The following PDE8A variants were observed in gnomAD, a reference collection of about 807,000 sequenced individuals.
PDE8A encodes the protein phosphodiesterase 8A.
PDE8A carries 59 observed loss-of-function variants against 105.0 expected under a neutral mutation model. The observed-to-expected ratio is 0.56, with a 90% confidence interval of 0.46 to 0.70. The LOEUF is 0.70. PDE8A is among the 30% of genes least tolerant of loss of function. The pLI, the probability that PDE8A is intolerant of heterozygous loss-of-function variation, is 0.00. For missense variants in PDE8A, 1,014 were observed against 1,045.9 expected, an observed-to-expected ratio of 0.97 and a Z score of 0.42; for synonymous variants, 355 against 371.9, an observed-to-expected ratio of 0.95 and a Z score of 0.52.
intron 11 of PDE8A, 24 bp from the exon 12 acceptor site, chr15:85,109,029 G>A (rs371625358): frequency 2.7e-6 from 4 of 1,496,354 alleles, no homozygotes; most frequent in African/African-American, 1.4e-5. Flanking sequence ...CTTTGAAGAG[G>A]TGATTTATCA....
intron 1 of PDE8A, among the ~76,000 whole-genome samples, chr15:85,021,657 C>A (rs1323097797): frequency 6.6e-6 from 1 of 152,198 alleles, no homozygotes; most frequent in Admixed American, 6.5e-5. Flanking sequence ...ACTTTCTGAT[C>A]TCATATCCAA....
At chr15:85,107,410 G>T (rs1205863956) in intron 11 of PDE8A, among the ~76,000 whole-genome samples, 1 of 152,194 alleles carries the variant, frequency 6.6e-6, no homozygotes, top group Admixed American at 6.5e-5. Flanking sequence ...GTTTTACAAC[G>T]ATCGCTTGGC....
At chr15:85,100,224 G>C (rs2081838706) in intron 11 of PDE8A, 26 bp downstream of exon 11, 1 of 1,580,400 alleles carries the variant, frequency 6.3e-7, no homozygotes, top group Non-Finnish European at 8.7e-7. Context: ...TTTATTCTTA[G>C]AGTTCATTGA....
intron 11 of PDE8A, among the ~76,000 whole-genome samples, chr15:85,106,769 A>T (rs1046031089): frequency 6.6e-6 from 1 of 152,228 alleles, no homozygotes; most frequent in Non-Finnish European, 1.5e-5. Context: ...AGGCTGCTGC[A>T]GGCCATCCTT....
chr15:85,118,039 T>C (rs11073952), intron 17 of PDE8A, among the ~76,000 whole-genome samples, 200 bp downstream of exon 17: 70,002 of 152,014 alleles, frequency 0.46, 16,243 homozygotes, highest in Middle Eastern at 0.54. Context: ...TAATCCCAGC[T>C]ATTCCATGAG....
intron 1 of PDE8A, among the ~76,000 whole-genome samples, chr15:85,031,461 C>T (rs2080613746): frequency 6.6e-6 from 1 of 152,154 alleles, no homozygotes; most frequent in African/African-American, 2.4e-5. Flanking sequence ...TTGCCTGAGT[C>T]CTGCCCTGTT....
intron 1 of PDE8A, among the ~76,000 whole-genome samples, chr15:84,984,044 C>CACAT (rs1478434053): frequency 1.3e-5 from 2 of 152,224 alleles, no homozygotes; most frequent in African/African-American, 4.8e-5. Context: ...CAGTGGCATA[C>CACAT]ACATAGTAGG....
intron 1 of PDE8A, among the ~76,000 whole-genome samples, chr15:84,989,109 T>C (rs1228127062): frequency 6.6e-6 from 1 of 152,242 alleles, no homozygotes; most frequent in Non-Finnish European, 1.5e-5. Flanking sequence ...CTGAGTCCCC[T>C]CCTTCTGTTC....
chr15:85,061,489 C>T (rs1459431169), intron 1 of PDE8A, among the ~76,000 whole-genome samples: 1 of 152,128 alleles, frequency 6.6e-6, no homozygotes, highest in Non-Finnish European at 1.5e-5. Context: ...ATCTGTCTGT[C>T]TCAGCCTCCC....
intron 1 of PDE8A, among the ~76,000 whole-genome samples, chr15:85,056,818 C>A (rs530134515): frequency 6.6e-6 from 1 of 152,212 alleles, no homozygotes; most frequent in African/African-American, 2.4e-5. Context: ...TCTCTCAACT[C>A]GTCAAAGTCA....
intron 20 of PDE8A, among the ~76,000 whole-genome samples, chr15:85,129,653 A>C (rs1027355916): frequency 5.4e-5 from 6 of 110,518 alleles, no homozygotes; most frequent in African/African-American, 2.5e-4. Context: ...TGATCTTTTC[A>C]AAAAATTATC....
intron 1 of PDE8A, among the ~76,000 whole-genome samples, chr15:85,052,339 G>T (rs1728477287): frequency 6.6e-6 from 1 of 152,238 alleles, no homozygotes; most frequent in African/African-American, 2.4e-5. Context: ...TATATACCCA[G>T]TAATGGGAGG....
Position 85,116,113 on chromosome 15 carries a change from A to G in PDE8A, c.1529A>G (p.His510Arg), listed in dbSNP as rs1461686748. The G allele has an allele frequency of 1.2e-6, 2 of 1,613,912 alleles. No individual in the cohort carries two copies. The highest frequency in any genetic ancestry group is 1.7e-5 in the Admixed American group (1 of 59,988). Residue 510 changes from histidine (H) to arginine (R), a missense_variant, in exon 16 of 22, where the codon CAC (histidine) becomes CGC (arginine). Physicochemically the swap from His to Arg is conservative, Grantham distance 29. Coordinates refer to ENST00000394553, the MANE Select transcript of PDE8A (RefSeq NM_002605.3). Reference sequence around the variant, plus strand: ...ATTTTTGAACTGGAGGCTGCCACCCACAATAGGTGAGTTCATGCAGAGCTC... The same window carrying G: ...ATTTTTGAACTGGAGGCTGCCACCCGCAATAGGTGAGTTCATGCAGAGCTC... The part of the protein sequence containing the change: ...FDIFELEAAT[H>R]NRPLIYLGLK...
chr15:85,099,969 A>G lies in PDE8A; in HGVS notation c.942-46A>G, dbSNP rs145317941. ...TGAAAAATTAACGACATATCCATCA[A>G]ATTAGAGACTCAGAAGAGAAATAAT... On this transcript the variant is annotated intron_variant, in intron 9 of 21. Coordinates refer to ENST00000394553, the MANE Select transcript of PDE8A (RefSeq NM_002605.3). 801 of 1,487,498 alleles carry G rather than the reference A, an allele frequency of 5.4e-4. 3 individuals carry two copies. The African/African-American group carries it at 9.7e-3, about 18-fold the overall frequency. The allele number at this position is 1,487,498 out of a possible 1,614,324, so 92.1% of individuals were successfully genotyped here.
intron 1 of PDE8A, among the ~76,000 whole-genome samples, chr15:85,009,854 C>T (rs898944806): frequency 3.9e-5 from 6 of 152,096 alleles, no homozygotes; most frequent in South Asian, 2.1e-4. Context: ...TAGTATTAGT[C>T]GTACTAGCTA....
intron 11 of PDE8A, among the ~76,000 whole-genome samples, chr15:85,103,170 TGAG>T (rs1037390153): frequency 6.6e-6 from 1 of 151,492 alleles, no homozygotes; most frequent in Non-Finnish European, 1.5e-5. Flanking sequence ...TGCAGTGAGC[TGAG>T]ATCGCGCCAC....
chr15:85,138,433 ATG>A lies in PDE8A; in HGVS notation c.*532_*533del, dbSNP rs1374433474. 6.5e-6 allele frequency: 1 copy of A among 152,672 alleles called. No individual in the cohort carries two copies. The highest frequency in any genetic ancestry group is 2.4e-5 in the African/African-American group (1 of 41,466). 9.5% of individuals were successfully genotyped at this position (152,672 alleles called of 1,614,324 possible). On this transcript the variant is annotated 3_prime_UTR_variant, in exon 22 of 22. Transcript: ENST00000394553. ...AACTTGATTATTAATATCAATTAAA[ATG>A]TTTTATTTATTTTATTAAAAGCTCA...
chr15:85,027,189 G>A (rs1319995695), intron 1 of PDE8A, among the ~76,000 whole-genome samples: 1 of 152,162 alleles, frequency 6.6e-6, no homozygotes, highest in Non-Finnish European at 1.5e-5. Context: ...GAGTCAGTGT[G>A]CTGCAGAATG....
At chr15:85,028,212 TTTTA>T (rs1394000810) in intron 1 of PDE8A, among the ~76,000 whole-genome samples, 1 of 152,166 alleles carries the variant, frequency 6.6e-6, no homozygotes, top group Non-Finnish European at 1.5e-5. Context: ...CATGAACCTA[TTTTA>T]TTTATTATTT....
Sources: gnomAD v4.1 joint callset for allele counts (sites outside exome capture counted in the v4.1 genomes callset) on GRCh38, gnomAD v4.1.1 for gene constraint, MANE v1.5 for transcripts, NCBI Gene and HGNC (gene_info 2026-07-23, HGNC 2026-07-21) for gene names.